FGF12: variants seen among roughly 807,000 people sequenced by gnomAD.
FGF12 encodes fibroblast growth factor 12, also known as fibroblast growth factor 12B.
FGF12 carries 14 observed loss-of-function variants against 23.6 expected under a neutral mutation model. The observed-to-expected ratio is 0.59, with a 90% CI of 0.39 to 0.93. The LOEUF (loss-of-function observed/expected upper bound fraction) is 0.93, where lower values mean the gene tolerates loss of function less well. FGF12 is among the 40% of genes least tolerant of loss of function. FGF12 has a pLI of 0.00. For synonymous variants in FGF12, 62 were observed against 77.3 expected, an observed-to-expected ratio of 0.80 and a Z score of 1.04; for missense variants, 175 against 217.8, an observed-to-expected ratio of 0.80 and a Z score of 1.24.
At chr3:192,615,032 A>G (rs1039280551) in intron 2 of FGF12, among the ~76,000 whole-genome samples, 16 of 151,964 alleles carry the variant, frequency 1.1e-4, no homozygotes, top group Non-Finnish European at 4.4e-5. Flanking sequence ...GAGATTCTCT[A>G]CACTGTCCAG....
At chr3:192,293,815 T>C (rs976812590) in intron 4 of FGF12, among the ~76,000 whole-genome samples, 8 of 152,210 alleles carry the variant, frequency 5.3e-5, no homozygotes, top group Non-Finnish European at 8.8e-5. Flanking sequence ...TTATAAACAA[T>C]ATAACTTTAT....
intron 4 of FGF12, among the ~76,000 whole-genome samples, chr3:192,319,694 A>C (rs1384972399): frequency 5.9e-5 from 9 of 152,322 alleles, no homozygotes; most frequent in Non-Finnish European, 1.3e-4. Flanking sequence ...GTTTAAAGGC[A>C]AGGGGATGAA....
At chr3:192,576,583 T>C (rs997651994) in intron 2 of FGF12, among the ~76,000 whole-genome samples, 2 of 152,116 alleles carry the variant, frequency 1.3e-5, no homozygotes, top group African/African-American at 4.8e-5. Context: ...CTCCTTATAC[T>C]AAGAGAATGA....
chr3:192,311,796 G>A (rs889710931), intron 4 of FGF12, among the ~76,000 whole-genome samples: 10 of 152,198 alleles, frequency 6.6e-5, no homozygotes, highest in East Asian at 3.9e-4. Flanking sequence ...TCTCACCTAC[G>A]TGTGTTATTA....
intron 2 of FGF12, among the ~76,000 whole-genome samples, chr3:192,379,161 G>A (rs527355088): frequency 7.3e-4 from 111 of 152,104 alleles, no homozygotes; most frequent in African/African-American, 2.6e-3. Flanking sequence ...ACCATCGATG[G>A]GTATTTAGGT....
intron 2 of FGF12, among the ~76,000 whole-genome samples, chr3:192,715,552 A>G (rs569723523): frequency 2.0e-5 from 3 of 152,320 alleles, no homozygotes; most frequent in African/African-American, 7.2e-5. Context: ...CTAGATGTCA[A>G]ATTCCTCTCT....
At chr3:192,411,152 T>C (rs1172933667) in intron 2 of FGF12, among the ~76,000 whole-genome samples, 1 of 152,174 alleles carries the variant, frequency 6.6e-6, no homozygotes, top group Non-Finnish European at 1.5e-5. Flanking sequence ...AGGAGCTTTC[T>C]AGATATGAGC....
rs988631284 is a variant in FGF12, at chr3:192,645,152, A to G, written c.13+82029T>C. On this transcript the variant is annotated intron_variant, in intron 2 of 5. Coordinates refer to ENST00000445105, the MANE Select transcript of FGF12 (RefSeq NM_004113.6). ...GGCCAAGTAATGAAGTTGGGATCTC[A>G]CCTGTAAGAAATAATCCCCAAAGGC... Among the ~76,000 whole-genome samples the G allele has an allele frequency of 2.6e-5, 4 of 152,150 alleles. No individual in the cohort carries two copies. The East Asian group carries it at 7.8e-4, about 30-fold the overall frequency.
chr3:192,363,516 T>C (rs1043456911), intron 2 of FGF12, among the ~76,000 whole-genome samples: 5 of 152,120 alleles, frequency 3.3e-5, no homozygotes, highest in Admixed American at 2.0e-4. Context: ...TGTTGTGATA[T>C]GTGAAAATGA....
chr3:192,704,597 T>C (rs890793464), intron 2 of FGF12, among the ~76,000 whole-genome samples: 4 of 152,186 alleles, frequency 2.6e-5, no homozygotes, highest in African/African-American at 9.7e-5. Flanking sequence ...ATTTTCAGAA[T>C]GGTGCATGAG....
intron 2 of FGF12, among the ~76,000 whole-genome samples, chr3:192,497,372 A>T (rs1056089696): frequency 6.6e-6 from 1 of 151,848 alleles, no homozygotes; most frequent in Non-Finnish European, 1.5e-5. Context: ...CCTATTCCAA[A>T]CCTCCCACCA....
chr3:192,186,830 G>A (rs1716499315), intron 4 of FGF12, among the ~76,000 whole-genome samples: 1 of 152,130 alleles, frequency 6.6e-6, no homozygotes, highest in Non-Finnish European at 1.5e-5. Context: ...TTCAATTGTT[G>A]ATAAGCAGTT....
chr3:192,578,733 A>C (rs1713014732), intron 2 of FGF12, among the ~76,000 whole-genome samples: 1 of 152,216 alleles, frequency 6.6e-6, no homozygotes, highest in African/African-American at 2.4e-5. Context: ...GAAAAGAAAA[A>C]AACAACTCCC....
intron 4 of FGF12, chr3:192,265,294 C>T (rs550887621): frequency 2.6e-5 from 4 of 152,068 alleles, no homozygotes; most frequent in African/African-American, 2.4e-5. Context: ...TATATTCCTC[C>T]GTGTTGGGAG....
At chr3:192,693,079 T>A (rs1384124703) in intron 2 of FGF12, among the ~76,000 whole-genome samples, 1 of 152,096 alleles carries the variant, frequency 6.6e-6, no homozygotes, top group African/African-American at 2.4e-5. Context: ...ACTCTTAGAA[T>A]GGTTTTAGTA....
intron 2 of FGF12, among the ~76,000 whole-genome samples, chr3:192,616,689 GT>G (rs1213222142): frequency 6.6e-6 from 1 of 151,986 alleles, no homozygotes; most frequent in African/African-American, 2.4e-5. Flanking sequence ...AAGTAAGAGA[GT>G]TCTTTTCCAG....
intron 2 of FGF12, among the ~76,000 whole-genome samples, chr3:192,680,354 G>A (rs1400293981): frequency 2.2e-4 from 34 of 152,218 alleles, no homozygotes; most frequent in Admixed American, 2.2e-3. Context: ...CTATGCCCAG[G>A]ACACAAGGGG....
intron 2 of FGF12, among the ~76,000 whole-genome samples, chr3:192,522,577 C>T (rs1724848263): frequency 6.6e-6 from 1 of 152,092 alleles, no homozygotes; most frequent in Non-Finnish European, 1.5e-5. Flanking sequence ...AGCCAATTCC[C>T]CCTTTGGCAA....
intron 2 of FGF12, among the ~76,000 whole-genome samples, chr3:192,618,799 C>T (rs1714861667): frequency 6.6e-6 from 1 of 151,794 alleles, no homozygotes; most frequent in Non-Finnish European, 1.5e-5. Context: ...AGGATTTGCT[C>T]TTTGGGTGAG....
Sources: gnomAD v4.1 joint callset for allele counts (sites outside exome capture counted in the v4.1 genomes callset) on GRCh38, gnomAD v4.1.1 for gene constraint, MANE v1.5 for transcripts, NCBI Gene and HGNC (gene_info 2026-07-23, HGNC 2026-07-21) for gene names.